PTH2: variants seen among roughly 807,000 people sequenced by gnomAD.
PTH2 encodes parathyroid hormone 2.
A neutral mutation model predicts 6.2 loss-of-function variants in PTH2; 5 were observed. The ratio of observed to expected loss-of-function variants is 0.80; its 90% CI spans 0.42 to 1.69. The LOEUF (loss-of-function observed/expected upper bound fraction) is 1.69. PTH2 is among the 40% of genes most tolerant of loss of function. PTH2 has a pLI of 0.02. For synonymous variants in PTH2, 67 were observed against 73.6 expected (o/e 0.91, Z 0.46); for missense variants, 156 against 142.5 (o/e 1.09, Z -0.48).
At position 49,423,175 on chromosome 19, in the gene PTH2, C is replaced by T. The variant is rs199855726; in HGVS notation, c.128+37G>A. On this transcript the variant is annotated intron_variant, in intron 1 of 1. Transcript: ENST00000270631. ...GGTTCTCTTCCCACTTCTCCAAGTT[C>T]CCACCCCTCCCTGGGAGTTCTGGGA... The T allele has an allele frequency of 5.6e-5, 89 of 1,602,858 alleles. No homozygotes were observed. The Admixed American group carries it at 1.0e-3, about 18-fold the overall frequency.
At position 49,423,300 on chromosome 19, in the gene PTH2, G is replaced by C; in HGVS notation, c.40C>G (p.Leu14Val). 6.2e-7 allele frequency: 1 copy of C among 1,610,626 alleles called. No homozygotes were observed. The highest frequency in any genetic ancestry group is 8.5e-7 in the Non-Finnish European group (1 of 1,178,688). The change falls in exon 1 of 2, where the codon CTG (leucine) becomes GTG (valine). Residue 14 changes from leucine to valine, a missense_variant. By Grantham distance (32) the Leu-to-Val change is conservative. Transcript: ENST00000270631. ...AGCAGCAGCAGCAGCAGCAGCAGCA[G>C]CCGAACCCGAGGGCTCCTGGACACC... ...RQVSRSPRVR[L>V]LLLLLLLLVV...
At chr19:49,423,139 C>T in intron 1 of PTH2, 73 bp downstream of exon 1, 1 of 1,551,256 alleles carries the variant, frequency 6.4e-7, no homozygotes, top group South Asian at 1.2e-5. Context: ...TCTTCCGTCC[C>T]CTTTCTCTTT....
intron 1 of PTH2, among the ~76,000 whole-genome samples, 170 bp downstream of exon 1, chr19:49,423,042 C>A (rs1009279719): frequency 6.6e-6 from 1 of 152,168 alleles, no homozygotes; most frequent in African/African-American, 2.4e-5. Flanking sequence ...CCACCAAACC[C>A]TCCTCCCGCC....
chr19:49,422,589 C>T lies in PTH2; in HGVS notation c.182G>A (p.Arg61Lys). 1.3e-6 allele frequency: 2 copies of T among 1,543,682 alleles called. No homozygotes were observed. The highest frequency in any genetic ancestry group is 2.4e-5 in the South Asian group (2 of 82,236). The change falls in exon 2 of 2, where the codon AGG becomes AAG. Residue 61 changes from arginine (R) to lysine (K), a missense_variant. Arg to Lys is a conservative substitution (Grantham distance 26). Coordinates refer to ENST00000270631, the MANE Select transcript of PTH2 (RefSeq NM_178449.4). ...CGCGTCGTCCGCCAGCGCCAGGCTC[C>T]TCCGCGGCCTGGGGGTGGCGGGATC... ...WADPATPRPRRSLALADDAAF... is the reference protein window; with the variant it reads ...WADPATPRPRKSLALADDAAF...
chr19:49,423,393 C>G lies in PTH2; in HGVS notation c.-54G>C. ...GTAGGGCTGCATCCCGGCCCAGAAC[C>G]CCGGGCCCCACCATGCATCCACCCC... is the stretch of plus-strand genomic sequence containing the variant. On this transcript the variant is annotated 5_prime_UTR_variant, in exon 1 of 2. Coordinates refer to ENST00000270631, the MANE Select transcript of PTH2 (RefSeq NM_178449.4). 6.5e-7 allele frequency: 1 copy of G among 1,530,718 alleles called. No homozygotes were observed. The highest frequency in any genetic ancestry group is 8.8e-7 in the Non-Finnish European group (1 of 1,140,400). The allele number at this position is 1,530,718 out of a possible 1,614,324, so 94.8% of individuals were successfully genotyped here. A position where few individuals can be genotyped will look rare whatever the true frequency, so the allele number is the denominator to read the frequency against.
chr19:49,422,569 C>G lies in PTH2; in HGVS notation c.202G>C (p.Asp68His), dbSNP rs1271073692. Reference sequence around the variant, plus strand: ...CGCGCGCGCTCCCGGAAGGCCGCGTCGTCCGCCAGCGCCAGGCTCCTCCGC... The same window carrying G: ...CGCGCGCGCTCCCGGAAGGCCGCGTGGTCCGCCAGCGCCAGGCTCCTCCGC... ...RPRRSLALAD[D>H]AAFRERARLL... is the part of the protein sequence containing the mutation. Residue 68 changes from aspartate to histidine, a missense_variant, in exon 2 of 2, where the codon GAC becomes CAC. Transcript: ENST00000270631. 3.8e-6 allele frequency: 6 copies of G among 1,587,050 alleles called. No homozygotes were observed. Among genetic ancestry groups the G allele is most frequent in the Non-Finnish European group, 4.3e-6 (5 of 1,169,812 alleles).
chr19:49,422,457 G>T lies in PTH2; in HGVS notation c.*11C>A. 6.3e-7 allele frequency: 1 copy of T among 1,588,920 alleles called. No individual in the cohort carries two copies. Among genetic ancestry groups the T allele is most frequent in the African/African-American group, 1.4e-5 (1 of 71,446 alleles). On this transcript the variant is annotated 3_prime_UTR_variant, in exon 2 of 2. Coordinates refer to ENST00000270631, the MANE Select transcript of PTH2 (RefSeq NM_178449.4). ...GCATGGTCTTTATTAAGATGGGGAC[G>T]GGCAGCGCGCTCAGGGCGCATCCAA...
chr19:49,422,705 G>T, intron 1 of PTH2, 63 bp from the exon 2 acceptor site: 1 of 1,352,318 alleles, frequency 7.4e-7, no homozygotes, highest in Non-Finnish European at 9.5e-7. Context: ...TCCTCCCCGC[G>T]GTCTAACTCG....
Position 49,422,554 on chromosome 19 carries a change from C to G in PTH2, c.217G>C (p.Glu73Gln), listed in dbSNP as rs765147141. 6.3e-7 allele frequency: 1 copy of G among 1,592,506 alleles called. No homozygotes were observed. The highest frequency in any genetic ancestry group is 8.5e-7 in the Non-Finnish European group (1 of 1,171,626). The change falls in exon 2 of 2, where the codon GAG becomes CAG. Residue 73 changes from glutamate to glutamine, a missense_variant. Glu to Gln is a conservative substitution (Grantham distance 29, BLOSUM62 2). Transcript: ENST00000270631. ...LALADDAAFR[E>Q]RARLLAALER... ...AGGGCGGCCAGCAACCGCGCGCGCTCCCGGAAGGCCGCGTCGTCCGCCAGC... is the reference window on the plus strand; with the variant it reads ...AGGGCGGCCAGCAACCGCGCGCGCTGCCGGAAGGCCGCGTCGTCCGCCAGC...
chr19:49,422,466 G>C lies in PTH2; in HGVS notation c.*2C>G, dbSNP rs375661324. 1.3e-6 allele frequency: 2 copies of C among 1,591,302 alleles called. No individual in the cohort carries two copies. The highest frequency in any genetic ancestry group is 1.7e-6 in the Non-Finnish European group (2 of 1,171,258). On this transcript the variant is annotated 3_prime_UTR_variant, in exon 2 of 2. Transcript: ENST00000270631. The stretch of plus-strand genomic sequence containing the variant: ...TTATTAAGATGGGGACGGGCAGCGC[G>C]CTCAGGGCGCATCCAACACCAGCAG...
chr19:49,423,192 G>A lies in PTH2; in HGVS notation c.128+20C>T, dbSNP rs1310987642. 6.2e-7 allele frequency: 1 copy of A among 1,610,692 alleles called. No homozygotes were observed. Among genetic ancestry groups the A allele is most frequent in the East Asian group, 2.2e-5 (1 of 44,768 alleles). On this transcript the variant is annotated intron_variant, in intron 1 of 1. Transcript: ENST00000270631. ...TCCAAGTTCCCACCCCTCCCTGGGA[G>A]TTCTGGGACTGGCACCTACCTGAGG...
intron 1 of PTH2, 108 bp downstream of exon 1, chr19:49,423,102 CTT>C (rs1290706889): frequency 2.1e-6 from 3 of 1,424,788 alleles, no homozygotes; most frequent in Non-Finnish European, 2.9e-6. Context: ...GTCGCCCTCT[CTT>C]TGGGCTTCTG....
In PTH2 at chr19:49,422,915, A is replaced by G. The variant is rs573532919; in HGVS notation, c.129-273T>C. Among the ~76,000 whole-genome samples, 17 of 152,142 alleles carry G rather than the reference A, an allele frequency of 1.1e-4. No individual in the cohort carries two copies. In the South Asian group the frequency reaches 2.3e-3, roughly 21 times the overall value. The stretch of plus-strand genomic sequence containing the variant: ...CAAGAACCCAATAAACGTTGCTCAA[A>G]GAATGAATCCGTTTCTGCAACGACT... On this transcript the variant is annotated intron_variant, in intron 1 of 1. Transcript: ENST00000270631.
At chr19:49,422,663 C>A in intron 1 of PTH2, 21 bp from the exon 2 acceptor site, 1 of 1,393,022 alleles carries the variant, frequency 7.2e-7, no homozygotes, top group Non-Finnish European at 9.3e-7. Context: ...ACGCGGTGAC[C>A]GCGCGTCCAG....
Position 49,423,225 on chromosome 19 carries a change from C to G in PTH2, c.115G>C (p.Val39Leu). The G allele has an allele frequency of 6.2e-7, 1 of 1,613,664 alleles. No individual in the cohort carries two copies. The highest frequency in any genetic ancestry group is 1.7e-5 in the Admixed American group (1 of 59,992). The change falls in exon 1 of 2, where the codon GTC becomes CTC. Residue 39 changes from valine (V) to leucine (L), a missense_variant. Physicochemically the swap from Val to Leu is conservative, Grantham distance 32. Transcript: ENST00000270631. ...RTASGVALPP[V>L]GVLSLRPPGR... ...ACTGGCACCTACCTGAGGACCCCGA[C>G]CGGGGGCAGGGCGACTCCCGAGGCA...
In PTH2 at chr19:49,423,330, G is replaced by T. The variant is rs1377001994; in HGVS notation, c.10C>A (p.Arg4Ser). The part of the protein sequence containing the change: MET[R>S]QVSRSPRVRL... ...ACCCGAGGGCTCCTGGACACCTGGC[G>T]GGTCTCCATCACCTGTGGAGAACCA... The change falls in exon 1 of 2, where the codon CGC (arginine) becomes AGC (serine). Residue 4 changes from arginine to serine, a missense_variant. Arg to Ser is a moderately radical substitution (Grantham distance 110). Coordinates refer to ENST00000270631, the MANE Select transcript of PTH2 (RefSeq NM_178449.4). 2 of 1,596,986 alleles carry T rather than the reference G, an allele frequency of 1.3e-6. No homozygotes were observed. Among genetic ancestry groups the T allele is most frequent in the Non-Finnish European group, 1.7e-6 (2 of 1,171,936 alleles).
In PTH2 at chr19:49,423,331, G is replaced by A. The variant is rs536930473; in HGVS notation, c.9C>T (p.Thr3=). ME[T]RQVSRSPRVR... ...CCCGAGGGCTCCTGGACACCTGGCG[G>A]GTCTCCATCACCTGTGGAGAACCAG... is the stretch of plus-strand genomic sequence containing the variant. Residue 3 remains threonine, a synonymous_variant, in exon 1 of 2, where the codon ACC becomes ACT. Transcript: ENST00000270631. 4.2e-4 allele frequency: 673 copies of A among 1,596,276 alleles called. 9 individuals are homozygous for A. In the South Asian group the frequency reaches 7.3e-3, roughly 17 times the overall value.
chr19:49,423,344 T>C lies in PTH2; in HGVS notation c.-5A>G, dbSNP rs1180755854. The stretch of plus-strand genomic sequence containing the variant: ...GGACACCTGGCGGGTCTCCATCACC[T>C]GTGGAGAACCAGAAAGGGGCTCAGT... On this transcript the variant is annotated 5_prime_UTR_variant, in exon 1 of 2. Transcript: ENST00000270631. 9 of 1,583,368 alleles carry C rather than the reference T, an allele frequency of 5.7e-6. No individual in the cohort carries two copies. The highest frequency in any genetic ancestry group is 7.7e-6 in the Non-Finnish European group (9 of 1,164,894).
rs1021573564 is a variant in PTH2 at position 49,422,535 on chromosome 19, G to T, written c.236C>A (p.Ala79Asp). Residue 79 changes from alanine (A) to aspartate (D), a missense_variant, in exon 2 of 2, where the codon GCC (alanine) becomes GAC (aspartate). By Grantham distance (126) the Ala-to-Asp change is moderately radical. Transcript: ENST00000270631. ...CAGCCAGTGGCGGCGCTCGAGGGCG[G>T]CCAGCAACCGCGCGCGCTCCCGGAA... ...AAFRERARLL[A>D]ALERRHWLNS... The T allele has an allele frequency of 1.3e-6, 2 of 1,596,154 alleles. No individual in the cohort carries two copies. The highest frequency in any genetic ancestry group is 2.4e-5 in the East Asian group (1 of 42,214).
Sources: allele counts gnomAD v4.1 joint callset (sites outside exome capture counted in the v4.1 genomes callset), GRCh38; gene constraint gnomAD v4.1.1; transcripts MANE v1.5; gene names NCBI Gene and HGNC (gene_info 2026-07-23, HGNC 2026-07-21).